FBXO16: variants seen among roughly 807,000 people sequenced by gnomAD.
The protein encoded by FBXO16 is F-box only protein 16.
In FBXO16, 31 loss-of-function variants were observed where a neutral mutation model predicts 41.0. That is an observed-to-expected ratio of 0.76 (90% confidence interval 0.57 to 1.02). The LOEUF (loss-of-function observed/expected upper bound fraction) is 1.02. FBXO16 is among the 50% of genes least tolerant of loss of function. The pLI, the probability that FBXO16 is intolerant of heterozygous loss-of-function variation, is 0.00. For synonymous variants in FBXO16, 133 were observed against 117.8 expected (o/e 1.13, Z -0.84); for missense variants, 361 against 346.2 (o/e 1.04, Z -0.34).
At chr8:28,436,396 A>C (rs1802687971) in intron 7 of FBXO16, among the ~76,000 whole-genome samples, 3 of 152,248 alleles carry the variant, frequency 2.0e-5, no homozygotes, top group Non-Finnish European at 4.4e-5. Flanking sequence ...AAACAGAGGC[A>C]AGGTGTTAGA....
At chr8:28,435,768 G>A (rs984974543) in intron 7 of FBXO16, among the ~76,000 whole-genome samples, 8 of 152,124 alleles carry the variant, frequency 5.3e-5, no homozygotes, top group African/African-American at 9.7e-5. Context: ...GGGAAAGCAC[G>A]CCAAATGGGA....
chr8:28,486,162 C>A (rs1216350850), intron 1 of FBXO16, among the ~76,000 whole-genome samples: 1 of 150,934 alleles, frequency 6.6e-6, no homozygotes, highest in African/African-American at 2.4e-5. Context: ...TAGATCTCCC[C>A]AGCTAAAAAG....
intron 7 of FBXO16, among the ~76,000 whole-genome samples, chr8:28,433,798 G>T (rs1337188852): frequency 6.6e-6 from 1 of 152,110 alleles, no homozygotes; most frequent in Non-Finnish European, 1.5e-5. Context: ...CCATTTTATT[G>T]GGCACAGAGA....
intron 2 of FBXO16, among the ~76,000 whole-genome samples, chr8:28,481,757 C>A (rs74665023): frequency 0.029 from 4,314 of 149,652 alleles, 220 homozygotes; most frequent in African/African-American, 0.1. Context: ...TTGTAGTGAG[C>A]CGAGATCGCA....
At chr8:28,463,319 TA>T (rs1432795638) in intron 4 of FBXO16, among the ~76,000 whole-genome samples, 3 of 151,800 alleles carry the variant, frequency 2.0e-5, no homozygotes, top group African/African-American at 7.3e-5. Flanking sequence ...TGTGTGTGTA[TA>T]TGTGTATGTG....
In FBXO16 at chr8:28,463,798, A is replaced by G; in HGVS notation, c.156T>C (p.Ser52=). Residue 52 remains serine, a synonymous_variant, in exon 4 of 9, where the codon TCT becomes TCC. Transcript: ENST00000380254. Reference sequence around the variant, plus strand: ...GGCCTGTGAGGATTCTTCTTCTTTGAGAGTCTGTCCATTTGTCAAACTGGA... The same window carrying G: ...GGCCTGTGAGGATTCTTCTTCTTTGGGAGTCTGTCCATTTGTCAAACTGGA... ...LGKWFDKWTD[S]QRRRILTGLL... 6.2e-7 allele frequency: 1 copy of G among 1,613,890 alleles called. No homozygotes were observed. Among genetic ancestry groups the G allele is most frequent in the Non-Finnish European group, 8.5e-7 (1 of 1,179,912 alleles).
chr8:28,440,334 C>T (rs561962233), intron 7 of FBXO16, among the ~76,000 whole-genome samples: 1 of 152,214 alleles, frequency 6.6e-6, no homozygotes, highest in East Asian at 1.9e-4. Context: ...AAACTCCTGG[C>T]CTCAAGCCAT....
intron 7 of FBXO16, among the ~76,000 whole-genome samples, chr8:28,431,567 T>G (rs1273370502): frequency 1.3e-5 from 2 of 152,230 alleles, no homozygotes; most frequent in African/African-American, 4.8e-5. Flanking sequence ...TTCCCTTGGC[T>G]GTGAATCCAC....
At chr8:28,428,769 G>T (rs376474726) in intron 8 of FBXO16, 33 bp from the exon 9 acceptor site, 3 of 1,478,404 alleles carry the variant, frequency 2.0e-6, no homozygotes, top group Non-Finnish European at 2.7e-6. Flanking sequence ...GAAAGCGAGG[G>T]TTATTGAAAT....
chr8:28,477,295 T>C (rs1803438290), intron 2 of FBXO16, among the ~76,000 whole-genome samples: 1 of 152,202 alleles, frequency 6.6e-6, no homozygotes, highest in Non-Finnish European at 1.5e-5. Context: ...ATTTCACTGA[T>C]CATTGGTGAC....
In FBXO16 at chr8:28,470,187, C is replaced by A. The variant is rs368744517; in HGVS notation, c.135+3585G>T. Among the ~76,000 whole-genome samples the A allele has an allele frequency of 1.2e-4, 18 of 151,824 alleles. No individual in the cohort carries two copies. The East Asian group carries it at 2.9e-3, about 24-fold the overall frequency. On this transcript the variant is annotated intron_variant, in intron 3 of 8. Coordinates refer to ENST00000380254, the MANE Select transcript of FBXO16 (RefSeq NM_172366.4). ...CCAGCCTGGGCGACAGAGCAAGACT[C>A]CGTCTTAAAAAAAAAAAAATAAAGT...
intron 7 of FBXO16, among the ~76,000 whole-genome samples, chr8:28,444,799 T>A (rs1802837319): frequency 1.5e-5 from 2 of 136,202 alleles, no homozygotes; most frequent in African/African-American, 5.6e-5. Context: ...TTTTTTTTTT[T>A]TTTTTGTATT....
intron 7 of FBXO16, among the ~76,000 whole-genome samples, chr8:28,439,263 T>C (rs989223639): frequency 6.6e-6 from 1 of 152,180 alleles, no homozygotes; most frequent in Non-Finnish European, 1.5e-5. Flanking sequence ...AAGTAACTTA[T>C]CTGAAGTCAT....
intron 1 of FBXO16, among the ~76,000 whole-genome samples, chr8:28,484,001 T>C (rs921765391): frequency 4.6e-5 from 7 of 152,218 alleles, no homozygotes; most frequent in Admixed American, 6.5e-5. Context: ...TAACTCATTT[T>C]ACACACGAGG....
intron 7 of FBXO16, among the ~76,000 whole-genome samples, chr8:28,430,396 T>C (rs1326916024): frequency 2.0e-5 from 3 of 152,188 alleles, no homozygotes; most frequent in Admixed American, 1.3e-4. Flanking sequence ...TTACACTTCA[T>C]TGAATCGACA....
rs966741027 is a variant in FBXO16, at chr8:28,472,543, C to T, written c.135+1229G>A. On this transcript the variant is annotated intron_variant, in intron 3 of 8. Transcript: ENST00000380254. Reference sequence around the variant, plus strand: ...ATCACCTGAGGTCAAGAGTTCAAGACCAGCCTGGCCAACATGGTGAAACTC... The same window carrying T: ...ATCACCTGAGGTCAAGAGTTCAAGATCAGCCTGGCCAACATGGTGAAACTC... Among the ~76,000 whole-genome samples the T allele has an allele frequency of 6.6e-5, 10 of 152,206 alleles. No homozygotes were observed. The South Asian group carries it at 1.0e-3, about 16-fold the overall frequency.
chr8:28,444,637 C>T (rs932780096), intron 7 of FBXO16, among the ~76,000 whole-genome samples: 11 of 149,634 alleles, frequency 7.4e-5, no homozygotes, highest in African/African-American at 2.3e-4. Flanking sequence ...GCCACTTCGC[C>T]GAGCTAATTT....
intron 3 of FBXO16, among the ~76,000 whole-genome samples, chr8:28,471,004 A>G (rs1010588046): frequency 6.6e-6 from 1 of 152,188 alleles, no homozygotes; most frequent in Non-Finnish European, 1.5e-5. Context: ...AAGCTGAGAG[A>G]AAATCTGAGA....
chr8:28,486,775 G>A (rs1253562096), intron 1 of FBXO16, among the ~76,000 whole-genome samples: 1 of 152,016 alleles, frequency 6.6e-6, no homozygotes, highest in African/African-American at 2.4e-5. Flanking sequence ...AGGAGGTTGA[G>A]GCTGCGGTAA....
Sources: gnomAD v4.1 joint callset for allele counts (sites outside exome capture counted in the v4.1 genomes callset) on GRCh38, gnomAD v4.1.1 for gene constraint, MANE v1.5 for transcripts, NCBI Gene and HGNC (gene_info 2026-07-23, HGNC 2026-07-21) for gene names.